Variants in TANGO6 observed in about 807,000 individuals in gnomAD.
TANGO6 encodes transport and Golgi organization protein 6 homolog.
In TANGO6, 90 loss-of-function variants were observed where a neutral mutation model predicts 114.2. That is an observed-to-expected ratio of 0.79 (90% CI 0.66 to 0.94). The LOEUF is 0.94. Among genes scored for constraint, TANGO6 ranks in the 40% least tolerant of loss-of-function variants. The pLI, the probability that TANGO6 is intolerant of heterozygous loss-of-function variation, is 0.00. For missense variants in TANGO6, 1,274 were observed against 1,315.3 expected (o/e 0.97, Z 0.49); for synonymous variants, 477 against 509.8 (o/e 0.94, Z 0.87).
intron 15 of TANGO6, among the ~76,000 whole-genome samples, chr16:68,976,164 C>T (rs1046856738): frequency 4.6e-5 from 7 of 152,066 alleles, no homozygotes; most frequent in Admixed American, 6.6e-5. Context: ...GAACTCCTGG[C>T]CTCAAGCAGT....
At chr16:68,967,413 C>A (rs1161937670) in intron 14 of TANGO6, among the ~76,000 whole-genome samples, 1 of 152,184 alleles carries the variant, frequency 6.6e-6, no homozygotes, top group Non-Finnish European at 1.5e-5. Context: ...CTGCTCACCT[C>A]CTGCTGTGTG....
chr16:69,037,737 A>G (rs928568367), intron 16 of TANGO6, among the ~76,000 whole-genome samples: 11 of 152,202 alleles, frequency 7.2e-5, no homozygotes, highest in Admixed American at 5.2e-4. Context: ...GCTGGGTCTT[A>G]CTGAAAACAG....
intron 14 of TANGO6, among the ~76,000 whole-genome samples, chr16:68,951,269 G>A (rs1008269475): frequency 1.3e-5 from 2 of 149,492 alleles, no homozygotes; most frequent in African/African-American, 4.9e-5. Flanking sequence ...ACTGCAGCAA[G>A]CTGTGATCAT....
intron 17 of TANGO6, among the ~76,000 whole-genome samples, chr16:69,046,159 T>G (rs1959855010): frequency 6.6e-6 from 1 of 151,766 alleles, no homozygotes; most frequent in African/African-American, 2.4e-5. Flanking sequence ...ACATTCATAA[T>G]GTCCAGGATA....
At position 69,056,256 on chromosome 16, in the gene TANGO6, C is replaced by T. The variant is rs189320741; in HGVS notation, c.3108+15835C>T. On this transcript the variant is annotated intron_variant, in intron 17 of 17. Coordinates refer to ENST00000261778, the MANE Select transcript of TANGO6 (RefSeq NM_024562.2). Reference sequence around the variant, plus strand: ...TTAGAATTTGGTTTGTTTTCCTCTTCTGCATCAGATTTACAATATTTTATT... The same window carrying T: ...TTAGAATTTGGTTTGTTTTCCTCTTTTGCATCAGATTTACAATATTTTATT... Among the ~76,000 whole-genome samples, 694 of 152,258 alleles carry T rather than the reference C, an allele frequency of 4.6e-3. 8 individuals are homozygous for T. The highest frequency in any genetic ancestry group is 0.016 in the African/African-American group (672 of 41,548).
chr16:68,862,959 G>T lies in TANGO6; in HGVS notation c.750G>T (p.Glu250Asp). 1 of 1,595,124 alleles carries T rather than the reference G, an allele frequency of 6.3e-7. No individual in the cohort carries two copies. Among genetic ancestry groups the T allele is most frequent in the East Asian group, 2.3e-5 (1 of 44,290 alleles). Residue 250 changes from glutamate to aspartate, a missense_variant, in exon 3 of 18, where the codon GAG becomes GAT. Transcript: ENST00000261778. ...LTPAEEVLTE[E>D]ERTLSRGALR... ...ATTTCTTTTAGGTTCTAACTGAAGA[G>T]GAGAGAACCCTATCCAGGGGGGCCT...
chr16:69,020,912 G>A (rs752270089), intron 15 of TANGO6, among the ~76,000 whole-genome samples: 9 of 63,604 alleles, frequency 1.4e-4, no homozygotes, highest in African/African-American at 3.1e-4. Flanking sequence ...GTATGTGTGT[G>A]TGTGTGTGTG....
intron 7 of TANGO6, among the ~76,000 whole-genome samples, chr16:68,889,071 G>A (rs952066315): frequency 5.3e-5 from 8 of 152,266 alleles, no homozygotes; most frequent in East Asian, 3.9e-4. Context: ...TGATCCACCC[G>A]CCTCAGCCTC....
intron 15 of TANGO6, among the ~76,000 whole-genome samples, chr16:68,980,385 C>T (rs1466866094): frequency 1.9e-4 from 9 of 46,866 alleles, no homozygotes; most frequent in African/African-American, 1.1e-3. Context: ...GTCTGTCATT[C>T]TCTCTCTCTC....
At chr16:68,865,652 C>T (rs970815879) in intron 3 of TANGO6, among the ~76,000 whole-genome samples, 11 of 151,620 alleles carry the variant, frequency 7.3e-5, no homozygotes, top group African/African-American at 2.4e-4. Context: ...TCCGGCCGGG[C>T]GCGGTGGCGC....
intron 7 of TANGO6, among the ~76,000 whole-genome samples, chr16:68,899,064 G>A (rs1962749033): frequency 6.6e-6 from 1 of 151,838 alleles, no homozygotes; most frequent in Middle Eastern, 3.4e-3. Context: ...CTTGGGCCCA[G>A]GAGTTCGAGA....
At chr16:69,015,146 C>G (rs1171565766) in intron 15 of TANGO6, among the ~76,000 whole-genome samples, 1 of 152,082 alleles carries the variant, frequency 6.6e-6, no homozygotes, top group African/African-American at 2.4e-5. Context: ...GAAATGAAGG[C>G]AAGGTCATAA....
chr16:68,909,347 T>C lies in TANGO6; in HGVS notation c.1937T>C (p.Leu646Pro), dbSNP rs1198853718. The C allele has an allele frequency of 6.2e-7, 1 of 1,607,388 alleles. No homozygotes were observed. Among genetic ancestry groups the C allele is most frequent in the African/African-American group, 1.3e-5 (1 of 74,686 alleles). ...GAGCGGAAGCTGCTTGTCCTGCAGC[T>C]GATGGCTGTTCTGTGCGAGAGAATG... Reference protein sequence around the residue: ...GQERKLLVLQLMAVLCERMSE... With the variant: ...GQERKLLVLQPMAVLCERMSE... The change falls in exon 11 of 18, where the codon CTG becomes CCG. Residue 646 changes from leucine to proline, a missense_variant. Leu to Pro is a moderately conservative substitution (Grantham distance 98, BLOSUM62 -3). Around this residue, in one of 5 missense-constraint regions of TANGO6, gnomAD observed 908 missense variants for 910.2 expected, o/e 1.00. Transcript: ENST00000261778.
At chr16:68,987,619 T>A (rs1963908906) in intron 15 of TANGO6, among the ~76,000 whole-genome samples, 1 of 152,192 alleles carries the variant, frequency 6.6e-6, no homozygotes, top group African/African-American at 2.4e-5. Context: ...TCTGCCTACC[T>A]TGGCTGAATT....
chr16:68,856,402 C>G (rs1961994244), intron 1 of TANGO6, among the ~76,000 whole-genome samples: 1 of 152,176 alleles, frequency 6.6e-6, no homozygotes, highest in Non-Finnish European at 1.5e-5. Flanking sequence ...GATTGAGTGT[C>G]AAGTGTTAAG....
At position 68,974,155 on chromosome 16, in the gene TANGO6, C is replaced by G; in HGVS notation, c.2829C>G (p.Ile943Met). 1 of 1,613,914 alleles carries G rather than the reference C, an allele frequency of 6.2e-7. No homozygotes were observed. Among genetic ancestry groups the G allele is most frequent in the East Asian group, 2.2e-5 (1 of 44,876 alleles). The change falls in exon 15 of 18, where the codon ATC becomes ATG. Residue 943 changes from isoleucine (I) to methionine (M), a missense_variant. Physicochemically the swap from Ile to Met is conservative, Grantham distance 10. Around this residue, in one of 5 missense-constraint regions of TANGO6, gnomAD observed 238 missense variants for 252.9 expected, o/e 0.94. Coordinates refer to ENST00000261778, the MANE Select transcript of TANGO6 (RefSeq NM_024562.2). ...RMKVGEVLMR[I>M]VRALGDMVSK... ...AAGTCGGGGAAGTCCTTATGCGAAT[C>G]GTCAGGGCATTAGGTGAGTTTTCTT...
chr16:68,958,867 G>T (rs1311829694), intron 14 of TANGO6, among the ~76,000 whole-genome samples: 1 of 152,062 alleles, frequency 6.6e-6, no homozygotes, highest in Non-Finnish European at 1.5e-5. Flanking sequence ...GAGGCCAGGA[G>T]TTCAAGGTTG....
intron 17 of TANGO6, among the ~76,000 whole-genome samples, chr16:69,062,791 A>AT (rs1443604741): frequency 2.1e-5 from 3 of 142,936 alleles, no homozygotes; most frequent in Admixed American, 1.4e-4. Flanking sequence ...GAAATTTAAA[A>AT]AAAAAAAAAA....
chr16:68,859,764 G>T (rs1308419643), intron 1 of TANGO6, 120 bp from the exon 2 acceptor site: 1 of 1,191,048 alleles, frequency 8.4e-7, no homozygotes, highest in Non-Finnish European at 1.1e-6. Context: ...AGGCTTTCCA[G>T]AGCCAGTGAC....
Sources: gnomAD v4.1 joint callset for allele counts (sites outside exome capture counted in the v4.1 genomes callset) on GRCh38, gnomAD v4.1.1 for gene constraint, gnomAD v4.1.1 regional missense constraint, MANE v1.5 for transcripts, NCBI Gene and HGNC (gene_info 2026-07-23, HGNC 2026-07-21) for gene names.